Variants in C2orf76 observed in about 807,000 individuals in gnomAD.
C2orf76 encodes chromosome 2 open reading frame 76, also known as UPF0538 protein C2orf76.
A neutral mutation model predicts 16.9 loss-of-function variants in C2orf76; 23 were observed. The observed-to-expected ratio is 1.36, with a 90% confidence interval of 0.98 to 1.93. The LOEUF is 1.93. Among genes scored for constraint, C2orf76 ranks in the 30% most tolerant of loss-of-function variants. The probability of loss-of-function intolerance (pLI) is 0.00; values close to 1 mark genes in which losing one functional copy is unlikely to be tolerated. For synonymous variants in C2orf76, 48 were observed against 52.3 expected, an observed-to-expected ratio of 0.92 and a Z score of 0.35; for missense variants, 152 against 152.6, an observed-to-expected ratio of 1.00 and a Z score of 0.02.
At chr2:119,311,552 T>C (rs987918123) in intron 5 of C2orf76, 70 bp downstream of exon 5, 1 of 1,563,692 alleles carries the variant, frequency 6.4e-7, no homozygotes, top group Non-Finnish European at 8.6e-7. Context: ...GTTATCCAAA[T>C]ACCATCAGCC....
downstream of C2orf76, among the ~76,000 whole-genome samples, chr2:119,298,699 A>G (rs1420211977): frequency 1.3e-5 from 2 of 151,984 alleles, no homozygotes; most frequent in African/African-American, 4.8e-5. Flanking sequence ...ATCTATCTCT[A>G]TTCAGGTCTT....
chr2:119,297,824 G>A (rs886431544), downstream of C2orf76, among the ~76,000 whole-genome samples: 2 of 152,166 alleles, frequency 1.3e-5, no homozygotes, highest in African/African-American at 4.8e-5. Context: ...ACAAGCAAAT[G>A]TGACTTAAAA....
At chr2:119,282,306 G>C in the C2orf76 span, among the ~76,000 whole-genome samples, 4 of 152,178 alleles carry the variant, frequency 2.6e-5, no homozygotes, top group Admixed American at 6.5e-5. Flanking sequence ...CGGCTCTGAT[G>C]CAGGGAGTCT....
At chr2:119,302,778 C>CA (rs1456792319) in intron 5 of C2orf76, among the ~76,000 whole-genome samples, 4 of 151,860 alleles carry the variant, frequency 2.6e-5, no homozygotes, top group Middle Eastern at 3.2e-3. Flanking sequence ...TAAAAAAGAA[C>CA]AAAAAATAAA....
rs565021262 is a variant in C2orf76 at position 119,361,671 on chromosome 2, G to T, written c.-13+5119C>A. 2.0e-5 allele frequency among the ~76,000 whole-genome samples: 3 copies of T among 152,130 alleles called. No homozygotes were observed. The East Asian group carries it at 5.8e-4, about 29-fold the overall frequency. On this transcript the variant is annotated intron_variant, in intron 1 of 5. Transcript: ENST00000334816. Reference sequence around the variant, plus strand: ...CCATGGATTTTTGGCATCCATAGGAGGTCATGGAACCAATCCCCCACAGAT... The same window carrying T: ...CCATGGATTTTTGGCATCCATAGGATGTCATGGAACCAATCCCCCACAGAT...
chr2:119,364,039 GAGACAGAC>G (rs57921997), intron 1 of C2orf76, among the ~76,000 whole-genome samples: 16 of 147,680 alleles, frequency 1.1e-4, no homozygotes, highest in South Asian at 6.6e-4. Context: ...GAGAGAGAGA[GAGACAGAC>G]AGACAGACAG....
chr2:119,334,206 T>C (rs1055093017), intron 2 of C2orf76, among the ~76,000 whole-genome samples: 1 of 151,948 alleles, frequency 6.6e-6, no homozygotes, highest in Non-Finnish European at 1.5e-5. Flanking sequence ...AAATCAGTAG[T>C]TGCCAAGGGT....
At chr2:119,294,800 C>T in the C2orf76 span, among the ~76,000 whole-genome samples, 109,415 of 152,106 alleles carry the variant, frequency 0.72, 40,365 homozygotes, top group African/African-American at 0.89. Context: ...CCCCACCACG[C>T]GCAGTACAGC....
chr2:119,358,943 T>A (rs1337891601), intron 1 of C2orf76, among the ~76,000 whole-genome samples: 1 of 152,112 alleles, frequency 6.6e-6, no homozygotes, highest in Non-Finnish European at 1.5e-5. Flanking sequence ...CAAAACAGCC[T>A]TATATTGGAA....
At chr2:119,328,798 C>T (rs967775743) in intron 2 of C2orf76, among the ~76,000 whole-genome samples, 3 of 152,028 alleles carry the variant, frequency 2.0e-5, no homozygotes, top group African/African-American at 7.2e-5. Flanking sequence ...TATTCATTTC[C>T]ACTCAGTTCA....
At chr2:119,345,947 C>T (rs1471753857) in intron 1 of C2orf76, among the ~76,000 whole-genome samples, 1 of 148,884 alleles carries the variant, frequency 6.7e-6, no homozygotes, top group African/African-American at 2.5e-5. Context: ...TGTAGCTACT[C>T]AGGAGACTGA....
chr2:119,344,591 CACAA>C (rs1423523594), intron 1 of C2orf76, among the ~76,000 whole-genome samples: 1 of 152,114 alleles, frequency 6.6e-6, no homozygotes, highest in Non-Finnish European at 1.5e-5. Context: ...GGAATCTTGA[CACAA>C]ACAATTCTAA....
At chr2:119,300,819 CTG>C (rs1201161355), downstream of C2orf76, among the ~76,000 whole-genome samples, 1 of 152,154 alleles carries the variant, frequency 6.6e-6, no homozygotes, top group East Asian at 1.9e-4. Flanking sequence ...AACATAATGG[CTG>C]TATGGGTACT....
At chr2:119,294,228 T>C in the C2orf76 span, among the ~76,000 whole-genome samples, 1 of 152,148 alleles carries the variant, frequency 6.6e-6, no homozygotes, top group Admixed American at 6.6e-5. Flanking sequence ...TGATTCCATG[T>C]GTCCAGCACT....
chr2:119,340,832 CCAAAAAATGT>C (rs1255689492), intron 1 of C2orf76, among the ~76,000 whole-genome samples: 2 of 150,396 alleles, frequency 1.3e-5, no homozygotes, highest in Non-Finnish European at 3.0e-5. Context: ...ATTATTTCCT[CCAAAAAATGT>C]CTGCACAGTT....
At chr2:119,334,066 T>A (rs985063634) in intron 2 of C2orf76, among the ~76,000 whole-genome samples, 1 of 152,152 alleles carries the variant, frequency 6.6e-6, no homozygotes, top group Non-Finnish European at 1.5e-5. Context: ...GTGTTGGGAT[T>A]ACAGGCATGA....
intron 1 of C2orf76, among the ~76,000 whole-genome samples, chr2:119,348,460 G>C (rs1462451899): frequency 1.3e-5 from 2 of 152,232 alleles, no homozygotes; most frequent in Admixed American, 1.3e-4. Flanking sequence ...GTCAAGGCGG[G>C]TGGATCACCT....
At chr2:119,366,848 C>T (rs1249026936), upstream of C2orf76, 2 of 663,044 alleles carry the variant, frequency 3.0e-6, no homozygotes, top group African/African-American at 3.7e-5. Context: ...CCCACGTGGG[C>T]TCGGGCGGGG....
the C2orf76 span, among the ~76,000 whole-genome samples, chr2:119,289,978 A>G: frequency 6.6e-6 from 1 of 152,048 alleles, no homozygotes; most frequent in Admixed American, 6.6e-5. Context: ...CTAGAAACAA[A>G]CATAGGGTTT....
Sources: gnomAD v4.1 joint callset for allele counts (sites outside exome capture counted in the v4.1 genomes callset) on GRCh38, gnomAD v4.1.1 for gene constraint, MANE v1.5 for transcripts, NCBI Gene and HGNC (gene_info 2026-07-23, HGNC 2026-07-21) for gene names.